The following SRBD1 variants were observed in gnomAD, a reference collection of about 807,000 sequenced individuals.
The protein encoded by SRBD1 is S1 RNA binding domain 1, also known as S1 RNA-binding domain-containing protein 1.
In SRBD1, 88 loss-of-function variants were observed where a neutral mutation model predicts 115.3. The observed-to-expected ratio is 0.76, with a 90% confidence interval of 0.64 to 0.91. The LOEUF is 0.91. SRBD1 is among the 40% of genes least tolerant of loss of function. The pLI is 0.00. For missense variants in SRBD1, 1,385 were observed against 1,177.4 expected (o/e 1.18, Z -2.58); for synonymous variants, 509 against 407.7 (o/e 1.25, Z -2.99).
chr2:45,536,410 C>T (rs1671764702), intron 14 of SRBD1, among the ~76,000 whole-genome samples: 1 of 151,868 alleles, frequency 6.6e-6, no homozygotes, highest in Non-Finnish European at 1.5e-5. Flanking sequence ...TTCTAGCAAA[C>T]CAATCACCCA....
intron 14 of SRBD1, among the ~76,000 whole-genome samples, chr2:45,536,626 C>A (rs926359021): frequency 1.3e-5 from 2 of 152,042 alleles, no homozygotes; most frequent in Non-Finnish European, 2.9e-5. Flanking sequence ...TGGGAAAATT[C>A]TATCCATTAA....
At chr2:45,493,499 A>T (rs1670360962) in intron 14 of SRBD1, among the ~76,000 whole-genome samples, 1 of 152,116 alleles carries the variant, frequency 6.6e-6, no homozygotes, top group Non-Finnish European at 1.5e-5. Context: ...TCAAATGAGC[A>T]ATATCTAGTC....
At chr2:45,579,528 A>G (rs556828520) in intron 7 of SRBD1, among the ~76,000 whole-genome samples, 7 of 152,156 alleles carry the variant, frequency 4.6e-5, no homozygotes, top group Non-Finnish European at 8.8e-5. Context: ...AAACTCAACT[A>G]ATACCTATTT....
intron 14 of SRBD1, among the ~76,000 whole-genome samples, chr2:45,495,499 C>T (rs1201712391): frequency 6.6e-6 from 1 of 152,190 alleles, no homozygotes; most frequent in Non-Finnish European, 1.5e-5. Flanking sequence ...CCCTCTCTCC[C>T]CGCATTCTGC....
chr2:45,550,091 TTTCAAAGTA>T (rs1672248789), intron 12 of SRBD1, among the ~76,000 whole-genome samples: 1 of 152,108 alleles, frequency 6.6e-6, no homozygotes, highest in Non-Finnish European at 1.5e-5. Context: ...TAACCCTATT[TTTCAAAGTA>T]TCAAATGGAA....
At chr2:45,406,627 T>TA (rs761879844) in intron 19 of SRBD1, among the ~76,000 whole-genome samples, 36 of 152,138 alleles carry the variant, frequency 2.4e-4, no homozygotes, top group Admixed American at 1.3e-4. Context: ...ATGCCTCATA[T>TA]AAAAAACATG....
chr2:45,493,865 C>T (rs932626640), intron 14 of SRBD1, among the ~76,000 whole-genome samples: 5 of 151,360 alleles, frequency 3.3e-5, no homozygotes, highest in South Asian at 2.1e-4. Context: ...AGAGGACATA[C>T]GGAAACAAGC....
intron 7 of SRBD1, among the ~76,000 whole-genome samples, chr2:45,576,079 C>T (rs993509801): frequency 2.0e-5 from 3 of 152,130 alleles, no homozygotes; most frequent in East Asian, 1.9e-4. Context: ...CCACCTCCTC[C>T]ACCACTTCTG....
chr2:45,578,242 A>G (rs1199685768), intron 7 of SRBD1, among the ~76,000 whole-genome samples: 3 of 152,250 alleles, frequency 2.0e-5, no homozygotes, highest in African/African-American at 7.2e-5. Context: ...TTAATAAAAC[A>G]TATGATGACT....
intron 14 of SRBD1, among the ~76,000 whole-genome samples, chr2:45,539,477 C>T (rs975626155): frequency 6.6e-6 from 1 of 152,150 alleles, no homozygotes; most frequent in Non-Finnish European, 1.5e-5. Context: ...GTTAAACCCT[C>T]AGTGTAAGAA....
At chr2:45,562,616 G>C in intron 10 of SRBD1, 37 bp downstream of exon 10, 1 of 1,475,294 alleles carries the variant, frequency 6.8e-7, no homozygotes, top group Non-Finnish European at 9.2e-7. Flanking sequence ...TTTTAGAAAA[G>C]AAACAAAGAA....
chr2:45,581,667 A>G (rs186568899), intron 6 of SRBD1, 26 bp downstream of exon 6: 301 of 1,574,140 alleles, frequency 1.9e-4, no homozygotes, highest in Admixed American at 1.6e-3. Context: ...CAGGTATTAC[A>G]TTAAAAGATA....
intron 16 of SRBD1, among the ~76,000 whole-genome samples, chr2:45,455,762 A>T (rs1039115308): frequency 6.6e-6 from 1 of 151,868 alleles, no homozygotes; most frequent in African/African-American, 2.4e-5. Context: ...ACCAAAAAAT[A>T]AAAAATAAAA....
At chr2:45,559,093 A>G (rs1005320221) in intron 10 of SRBD1, among the ~76,000 whole-genome samples, 1 of 152,052 alleles carries the variant, frequency 6.6e-6, no homozygotes, top group Admixed American at 6.5e-5. Flanking sequence ...TACCTCCTAA[A>G]TATTGCCCAA....
intron 16 of SRBD1, among the ~76,000 whole-genome samples, chr2:45,421,455 G>A (rs1021704040): frequency 1.8e-4 from 24 of 131,038 alleles, no homozygotes; most frequent in African/African-American, 6.6e-4. Context: ...TGCAGTGAGC[G>A]TAGATCGTGC....
chr2:45,601,786 G>A, intron 3 of SRBD1, 117 bp downstream of exon 3: 1 of 1,320,392 alleles, frequency 7.6e-7, no homozygotes. Flanking sequence ...GGTAGGGGAT[G>A]CCATTGCTGG....
intron 4 of SRBD1, among the ~76,000 whole-genome samples, chr2:45,588,679 C>T (rs895935968): frequency 6.6e-6 from 1 of 152,130 alleles, no homozygotes; most frequent in African/African-American, 2.4e-5. Context: ...AGCCTGAGTG[C>T]TGCATTGCTC....
chr2:45,558,649 CTATATCA>C (rs1672557952), intron 10 of SRBD1, among the ~76,000 whole-genome samples: 1 of 148,890 alleles, frequency 6.7e-6, no homozygotes, highest in South Asian at 2.1e-4. Context: ...GTGATAGTAA[CTATATCA>C]TCTACCTTAT....
At chr2:45,411,796 ATCT>A in intron 19 of SRBD1, among the ~76,000 whole-genome samples, 1 of 152,320 alleles carries the variant, frequency 6.6e-6, no homozygotes, top group South Asian at 2.1e-4. Context: ...TCTGTCTGCA[ATCT>A]TCTTTGGAAT....
Sources: allele counts gnomAD v4.1 joint callset (sites outside exome capture counted in the v4.1 genomes callset), GRCh38; gene constraint gnomAD v4.1.1; transcripts MANE v1.5; gene names NCBI Gene and HGNC (gene_info 2026-07-23, HGNC 2026-07-21).